Variants in OR4K1 observed in about 807,000 individuals in gnomAD.
The protein encoded by OR4K1 is olfactory receptor family 4 subfamily K member 1.
In OR4K1, 16 loss-of-function variants were observed where a neutral mutation model predicts 14.4. The ratio of observed to expected loss-of-function variants is 1.11; its 90% confidence interval spans 0.75 to 1.68. The LOEUF (loss-of-function observed/expected upper bound fraction) is 1.68. Ranked by LOEUF, OR4K1 falls within the 40% of genes most tolerant of loss-of-function variation. The probability of loss-of-function intolerance (pLI) is 0.00; values close to 1 mark genes in which losing one functional copy is unlikely to be tolerated. For synonymous variants in OR4K1, 181 were observed against 133.1 expected (o/e 1.36, Z -2.48); for missense variants, 548 against 376.9 (o/e 1.45, Z -3.76).
At chr14:19,920,833 T>C in the OR4K1 span, 2 of 1,614,238 alleles carry the variant, frequency 1.2e-6, no homozygotes, top group South Asian at 2.2e-5. Context: ...CAGGCTTCTT[T>C]TGCTACCCCT....
At chr14:19,928,356 A>T (rs1206753966), upstream of OR4K1, among the ~76,000 whole-genome samples, 1 of 152,158 alleles carries the variant, frequency 6.6e-6, no homozygotes, top group Non-Finnish European at 1.5e-5. Flanking sequence ...CTAGAACTAT[A>T]CTTCAGTTAT....
At chr14:19,930,912 G>A (rs1839920153), upstream of OR4K1, 1 of 152,304 alleles carries the variant, frequency 6.6e-6, no homozygotes, top group African/African-American at 2.4e-5. Flanking sequence ...GCTCGGTTGA[G>A]TGCAAGGTGA....
chr14:19,936,193 G>A lies in OR4K1; in HGVS notation c.527G>A (p.Ser176Asn). The A allele has an allele frequency of 6.2e-7, 1 of 1,614,252 alleles. No individual in the cohort carries two copies. The highest frequency in any genetic ancestry group is 8.5e-7 in the Non-Finnish European group (1 of 1,180,036). The change falls in exon 2 of 2, where the codon AGC becomes AAC. Residue 176 changes from serine (S) to asparagine (N), a missense_variant. Transcript: ENST00000641172. ...LPFCGPNEVDSFFCDLPLVIE... is the reference protein window; with the variant it reads ...LPFCGPNEVDNFFCDLPLVIE... ...TTCTGTGGTCCCAATGAGGTGGATA[G>A]CTTCTTTTGTGACCTTCCCTTGGTG... is the stretch of plus-strand genomic sequence containing the variant.
At chr14:19,932,012 C>A (rs1305942337) in intron 1 of OR4K1, among the ~76,000 whole-genome samples, 1 of 152,140 alleles carries the variant, frequency 6.6e-6, no homozygotes, top group African/African-American at 2.4e-5. Flanking sequence ...GGGTAACTAC[C>A]TTAATTATTA....
At chr14:19,931,669 T>C (rs76963657) in intron 1 of OR4K1, among the ~76,000 whole-genome samples, 2 of 152,170 alleles carry the variant, frequency 1.3e-5, no homozygotes, top group African/African-American at 4.8e-5. Flanking sequence ...CATTGTATAG[T>C]AGATATTAAT....
upstream of OR4K1, among the ~76,000 whole-genome samples, chr14:19,930,379 T>C (rs1486926774): frequency 6.6e-6 from 1 of 152,070 alleles, no homozygotes; most frequent in Middle Eastern, 3.2e-3. Context: ...TAAAATATAG[T>C]TGAAAAAGAC....
chr14:19,926,995 C>G (rs553606906), upstream of OR4K1, among the ~76,000 whole-genome samples: 4 of 152,344 alleles, frequency 2.6e-5, no homozygotes, highest in East Asian at 7.7e-4. Context: ...AAAAGCACTG[C>G]TCATCATGAA....
At chr14:19,922,946 CT>C in the OR4K1 span, among the ~76,000 whole-genome samples, 10 of 152,144 alleles carry the variant, frequency 6.6e-5, no homozygotes, top group Non-Finnish European at 1.2e-4. Context: ...TTTTTGGTAT[CT>C]TTTTTTGTGT....
chr14:19,927,087 C>A (rs1430697537), upstream of OR4K1, among the ~76,000 whole-genome samples: 1 of 152,224 alleles, frequency 6.6e-6, no homozygotes, highest in Non-Finnish European at 1.5e-5. Context: ...TGTGTAGGAC[C>A]ACGCTGAAGC....
the OR4K1 span, among the ~76,000 whole-genome samples, chr14:19,922,696 A>G: frequency 3.3e-5 from 5 of 150,448 alleles, no homozygotes; most frequent in East Asian, 3.9e-4. Flanking sequence ...ATGAAATATC[A>G]TTGCATAAAT....
chr14:19,920,702 T>C, the OR4K1 span: 1 of 1,614,132 alleles, frequency 6.2e-7, no homozygotes, highest in Non-Finnish European at 8.5e-7. Context: ...GTTTCTTCTC[T>C]GTGTTGTATA....
At chr14:19,920,461 CT>C in the OR4K1 span, 1 of 986,784 alleles carries the variant, frequency 1.0e-6, no homozygotes, top group South Asian at 1.7e-5. Flanking sequence ...ATTATGGCCT[CT>C]TCAAAATTTT....
chr14:19,928,744 A>G (rs978541118), upstream of OR4K1, among the ~76,000 whole-genome samples: 2 of 152,154 alleles, frequency 1.3e-5, no homozygotes, highest in Non-Finnish European at 2.9e-5. Context: ...CATTTTTTCA[A>G]TCTGTAAGGT....
At chr14:19,933,557 C>T (rs924622977) in intron 1 of OR4K1, among the ~76,000 whole-genome samples, 2 of 152,142 alleles carry the variant, frequency 1.3e-5, no homozygotes, top group Admixed American at 6.6e-5. Flanking sequence ...GTTCATGCCT[C>T]GTTGATCTGT....
At chr14:19,932,841 A>G (rs10137449) in intron 1 of OR4K1, among the ~76,000 whole-genome samples, 124,412 of 151,784 alleles carry the variant, frequency 0.82, 50,229 homozygotes, top group East Asian at 0.97. Context: ...GGACTGCTTA[A>G]AACATAGAAA....
At chr14:19,921,219 A>C in the OR4K1 span, 1 of 1,614,182 alleles carries the variant, frequency 6.2e-7, no homozygotes, top group Admixed American at 1.7e-5. Flanking sequence ...CAATAGTGGA[A>C]TTCTTTCCCT....
Position 19,935,918 on chromosome 14 carries a change from CTT to C in OR4K1, c.257_258del (p.Phe86TyrfsTer2), listed in dbSNP as rs753257922. On this transcript the variant is annotated frameshift_variant, in exon 2 of 2. Transcript: ENST00000641172. LOFTEE classifies it high-confidence loss of function. ...NFATPKMLVD[F>X]FIERKTISFE... ...TTGCCACCCCCAAGATGCTTGTAGA[CTT>C]TTTTATTGAGCGCAAGACTATCTCC... 6.2e-7 allele frequency: 1 copy of C among 1,614,200 alleles called. No homozygotes were observed. The highest frequency in any genetic ancestry group is 2.2e-5 in the East Asian group (1 of 44,890).
chr14:19,933,862 G>A (rs1882242172), intron 1 of OR4K1, among the ~76,000 whole-genome samples: 1 of 152,204 alleles, frequency 6.6e-6, no homozygotes, highest in African/African-American at 2.4e-5. Context: ...TGGGATTACA[G>A]GCATGAGCCA....
At chr14:19,921,287 C>T in the OR4K1 span, 3 of 1,614,154 alleles carry the variant, frequency 1.9e-6, no homozygotes, top group South Asian at 1.1e-5. Flanking sequence ...CAGTTTGGCT[C>T]AAGTCTTCAG....
Sources: gnomAD v4.1 joint callset for allele counts (sites outside exome capture counted in the v4.1 genomes callset) on GRCh38, gnomAD v4.1.1 for gene constraint, MANE v1.5 for transcripts, NCBI Gene and HGNC (gene_info 2026-07-23, HGNC 2026-07-21) for gene names.